The following USP4 variants were observed in gnomAD, a reference collection of about 807,000 sequenced individuals.
The protein encoded by USP4 is ubiquitin specific peptidase 4.
In USP4, 72 loss-of-function variants were observed where a neutral mutation model predicts 118.2. That is an observed-to-expected ratio of 0.61 (90% CI 0.50 to 0.74). The LOEUF (loss-of-function observed/expected upper bound fraction) is 0.74. Among genes scored for constraint, USP4 ranks in the 30% least tolerant of loss-of-function variants. The pLI, the probability that USP4 is intolerant of heterozygous loss-of-function variation, is 0.00. For missense variants in USP4, 1,037 were observed against 1,185.7 expected, an observed-to-expected ratio of 0.87 and a Z score of 1.84; for synonymous variants, 415 against 440.4, an observed-to-expected ratio of 0.94 and a Z score of 0.72.
At chr3:49,317,200 G>T in intron 6 of USP4, 1 of 1,494,034 alleles carries the variant, frequency 6.7e-7, no homozygotes, top group Non-Finnish European at 9.3e-7. Context: ...CTTGAGGTAG[G>T]TGGCCTCCGT....
chr3:49,321,731 T>C (rs2047505054), intron 6 of USP4, among the ~76,000 whole-genome samples: 1 of 152,024 alleles, frequency 6.6e-6, no homozygotes, highest in African/African-American at 2.4e-5. Flanking sequence ...CCGTGGCTTA[T>C]GCCTGTAATC....
intron 19 of USP4, among the ~76,000 whole-genome samples, chr3:49,282,665 C>T (rs1559463545): frequency 6.6e-6 from 1 of 152,072 alleles, no homozygotes; most frequent in Non-Finnish European, 1.5e-5. Context: ...TATTCTTTCC[C>T]CCAGAAAGCA....
chr3:49,279,923 G>C (rs2046999972), intron 20 of USP4, among the ~76,000 whole-genome samples: 2 of 152,176 alleles, frequency 1.3e-5, no homozygotes, highest in Admixed American at 6.5e-5. Flanking sequence ...CTGAGGATGA[G>C]AAACTTGCCC....
chr3:49,335,348 G>A, intron 2 of USP4, 121 bp downstream of exon 2: 2 of 1,363,706 alleles, frequency 1.5e-6, no homozygotes, highest in Non-Finnish European at 2.0e-6. Context: ...GATGCAAAAT[G>A]AGGATACTTG....
intron 6 of USP4, among the ~76,000 whole-genome samples, chr3:49,317,753 T>C (rs576249211): frequency 1.7e-4 from 25 of 150,914 alleles, no homozygotes; most frequent in African/African-American, 1.2e-4. Context: ...GGGGTTTCAC[T>C]GTGTTAGCCA....
chr3:49,316,194 C>T (rs1355976944), intron 6 of USP4, among the ~76,000 whole-genome samples: 2 of 152,036 alleles, frequency 1.3e-5, no homozygotes, highest in East Asian at 3.9e-4. Context: ...GAGAGCGAGA[C>T]TTCATCTAAA....
Position 49,300,644 on chromosome 3 carries a change from A to G in USP4, c.1335T>C (p.Ser445=), listed in dbSNP as rs763774379. ...AWENHRLRND[S]VIVDTFHGLF... Reference sequence around the variant, plus strand: ...GGCCATGGAAAGTATCCACAATCACAGAATCATTCCTCAACCTGTGATTCT... The same window carrying G: ...GGCCATGGAAAGTATCCACAATCACGGAATCATTCCTCAACCTGTGATTCT... The change falls in exon 11 of 22, where the codon TCT becomes TCC. Residue 445 remains serine (S), a synonymous_variant. Transcript: ENST00000265560. 16 of 1,614,228 alleles carry G rather than the reference A, an allele frequency of 9.9e-6. 1 individual carries two copies. The highest frequency in any genetic ancestry group is 1.1e-5 in the Non-Finnish European group (13 of 1,180,054).
intron 1 of USP4, among the ~76,000 whole-genome samples, chr3:49,339,007 T>C (rs570502992): frequency 1.3e-5 from 2 of 151,492 alleles, no homozygotes; most frequent in South Asian, 2.1e-4. Context: ...ATTAGCTGGG[T>C]GTGGTGGCGT....
chr3:49,324,962 T>G lies in USP4; in HGVS notation c.565A>C (p.Ser189Arg), dbSNP rs2047536784. Residue 189 changes from serine (S) to arginine (R), a missense_variant, in exon 5 of 22, where the codon AGC (serine) becomes CGC (arginine). By Grantham distance (110) the Ser-to-Arg change is moderately radical. Coordinates refer to ENST00000265560, the MANE Select transcript of USP4 (RefSeq NM_003363.4). ...RETRLWNKYM[S>R]NTYEQLSKLD... ...TTGCTCAACTGCTCGTAGGTGTTGC[T>G]CATGTATTTGTTCCAGAGCCGTGTT... The G allele has an allele frequency of 2.5e-6, 4 of 1,613,942 alleles. No individual in the cohort carries two copies. Among genetic ancestry groups the G allele is most frequent in the Admixed American group, 1.7e-5 (1 of 59,962 alleles).
chr3:49,287,022 A>T (rs7374375), intron 15 of USP4, among the ~76,000 whole-genome samples: 84,605 of 151,616 alleles, frequency 0.56, 24,860 homozygotes, highest in East Asian at 0.95. Context: ...GCTAATTTTT[A>T]TATCTTTTTA....
At chr3:49,284,639 G>GACATGAAGGCCT (rs2047074731) in intron 17 of USP4, 55 bp from the exon 18 acceptor site, 2 of 1,508,426 alleles carry the variant, frequency 1.3e-6, no homozygotes, top group African/African-American at 2.7e-5. Context: ...ACTGCATTAA[G>GACATGAAGGCCT]ACATGAAGGC....
intron 6 of USP4, chr3:49,317,252 T>C (rs962622654): frequency 1.9e-6 from 3 of 1,542,134 alleles, no homozygotes; most frequent in African/African-American, 1.4e-5. Flanking sequence ...GAGGCAATCT[T>C]GCGTGCCAGG....
intron 17 of USP4, 30 bp from the exon 18 acceptor site, chr3:49,284,614 G>T: frequency 6.3e-7 from 1 of 1,592,714 alleles, no homozygotes; most frequent in Non-Finnish European, 8.6e-7. Context: ...CAGTTCTGCT[G>T]GAGAAAGAGA....
chr3:49,292,662 C>T, intron 14 of USP4, 64 bp from the exon 15 acceptor site: 1 of 1,156,444 alleles, frequency 8.6e-7, no homozygotes, highest in Non-Finnish European at 1.2e-6. Context: ...CTATTTTTTC[C>T]ACCATGCGGC....
At chr3:49,284,797 TC>T in intron 17 of USP4, 51 bp downstream of exon 17, 2 of 1,545,418 alleles carry the variant, frequency 1.3e-6, no homozygotes, top group Non-Finnish European at 1.8e-6. Context: ...GCAGTCCACA[TC>T]CAGAGCAGAA....
intron 6 of USP4, among the ~76,000 whole-genome samples, chr3:49,323,810 C>A (rs1190607671): frequency 1.3e-5 from 2 of 152,130 alleles, no homozygotes; most frequent in African/African-American, 4.8e-5. Context: ...TATACCATAA[C>A]GAAAATTAAT....
chr3:49,333,041 G>T, intron 2 of USP4, among the ~76,000 whole-genome samples: 1 of 143,920 alleles, frequency 6.9e-6, no homozygotes, highest in African/African-American at 2.6e-5. Flanking sequence ...AGACAAGATG[G>T]CACCTTGTCT....
intron 2 of USP4, among the ~76,000 whole-genome samples, 193 bp from the exon 3 acceptor site, chr3:49,328,009 A>G (rs2047574873): frequency 6.6e-6 from 1 of 152,164 alleles, no homozygotes; most frequent in Non-Finnish European, 1.5e-5. Context: ...TTTATCCATG[A>G]AGATTTTATG....
At chr3:49,284,827 C>T (rs749482393) in intron 17 of USP4, 22 bp downstream of exon 17, 9 of 1,611,726 alleles carry the variant, frequency 5.6e-6, no homozygotes, top group Non-Finnish European at 6.8e-6. Context: ...ACACCACCGA[C>T]CACGAACCCC....
Sources: gnomAD v4.1 joint callset for allele counts (sites outside exome capture counted in the v4.1 genomes callset) on GRCh38, gnomAD v4.1.1 for gene constraint, MANE v1.5 for transcripts, NCBI Gene and HGNC (gene_info 2026-07-23, HGNC 2026-07-21) for gene names.